MICU2: variants seen among roughly 807,000 people sequenced by gnomAD.
MICU2 encodes the protein mitochondrial calcium uptake 2, also known as calcium uptake protein 2, mitochondrial.
A neutral mutation model predicts 60.4 loss-of-function variants in MICU2; 64 were observed. That is an observed-to-expected ratio of 1.06 (90% CI 0.87 to 1.31). The LOEUF is 1.31. MICU2 is among the 50% of genes most tolerant of loss of function. The pLI is 0.00. For synonymous variants in MICU2, 201 were observed against 175.0 expected (o/e 1.15, Z -1.17); for missense variants, 569 against 531.0 (o/e 1.07, Z -0.70).
At chr13:21,549,745 C>CA (rs1887506270) in intron 2 of MICU2, among the ~76,000 whole-genome samples, 1 of 152,168 alleles carries the variant, frequency 6.6e-6, no homozygotes, top group Non-Finnish European at 1.5e-5. Flanking sequence ...TCTCTCTTCC[C>CA]AGTTCAGCAA....
chr13:21,584,883 A>G (rs946582202), intron 1 of MICU2, among the ~76,000 whole-genome samples: 2 of 152,206 alleles, frequency 1.3e-5, no homozygotes, highest in Admixed American at 6.5e-5. Context: ...CAGTAACAGA[A>G]GCATAATTTG....
Position 21,493,077 on chromosome 13 carries a change from T to G in MICU2, c.*172A>C. On this transcript the variant is annotated 3_prime_UTR_variant, in exon 12 of 12. Coordinates refer to ENST00000382374, the MANE Select transcript of MICU2 (RefSeq NM_152726.3). ...CCAATATCTATTTTTATACTTACTT[T>G]TCTTTCTACTAAGTTCTTTAATAAA... 1 of 451,232 alleles carries G rather than the reference T, an allele frequency of 2.2e-6. No individual in the cohort carries two copies. The highest frequency in any genetic ancestry group is 3.9e-6 in the Non-Finnish European group (1 of 257,322). The allele number at this position is 451,232 out of a possible 1,614,324, so 28.0% of individuals were successfully genotyped here. A position where few individuals can be genotyped will look rare whatever the true frequency, so the allele number is the denominator to read the frequency against.
chr13:21,496,416 T>G (rs1007590970), intron 9 of MICU2: 2 of 424,888 alleles, frequency 4.7e-6, no homozygotes, highest in Non-Finnish European at 8.4e-6. Flanking sequence ...GATCTTGGAC[T>G]CCTGGCCTCC....
intron 1 of MICU2, among the ~76,000 whole-genome samples, chr13:21,593,354 A>C (rs1888624124): frequency 6.6e-6 from 1 of 152,118 alleles, no homozygotes; most frequent in South Asian, 2.1e-4. Context: ...CTGCTCAATG[A>C]AATAAAAGAG....
At chr13:21,525,219 G>C (rs952888978) in intron 4 of MICU2, among the ~76,000 whole-genome samples, 1 of 113,570 alleles carries the variant, frequency 8.8e-6, no homozygotes, top group Non-Finnish European at 1.7e-5. Context: ...TTGAGATGGA[G>C]TCTTGCTCTG....
chr13:21,540,316 A>T (rs1217188129), intron 2 of MICU2, among the ~76,000 whole-genome samples: 2 of 151,744 alleles, frequency 1.3e-5, no homozygotes, highest in Non-Finnish European at 2.9e-5. Flanking sequence ...TTTTTTTAGG[A>T]CTTACTCTGA....
In MICU2 at chr13:21,512,371, C is replaced by T. The variant is rs189321246; in HGVS notation, c.663+1982G>A. 2.0e-5 allele frequency among the ~76,000 whole-genome samples: 3 copies of T among 152,032 alleles called. No homozygotes were observed. In the East Asian group the frequency reaches 5.8e-4, roughly 29 times the overall value. On this transcript the variant is annotated intron_variant, in intron 7 of 11. Coordinates refer to ENST00000382374, the MANE Select transcript of MICU2 (RefSeq NM_152726.3). ...AGACCCTTATTAGATATGTGATTTG[C>T]AAGTATCTTCTTCCATTATGTTGGT... is the stretch of plus-strand genomic sequence containing the variant.
chr13:21,568,418 CCTTTT>C (rs1258384564), intron 1 of MICU2, among the ~76,000 whole-genome samples: 24 of 152,110 alleles, frequency 1.6e-4, no homozygotes, highest in Non-Finnish European at 3.4e-4. Flanking sequence ...CTATGCCTTT[CCTTTT>C]CTTTTCCCTT....
chr13:21,521,152 T>G, intron 6 of MICU2, 93 bp downstream of exon 6: 1 of 1,003,474 alleles, frequency 1.0e-6, no homozygotes, highest in Admixed American at 2.7e-5. Context: ...ATGTAAACAA[T>G]GAATACAATT....
chr13:21,520,530 T>C (rs1358929129), intron 6 of MICU2, among the ~76,000 whole-genome samples: 3 of 152,236 alleles, frequency 2.0e-5, no homozygotes, highest in Non-Finnish European at 1.5e-5. Context: ...GAGGGATAGC[T>C]AGTATGTGCT....
chr13:21,563,600 A>C (rs1376598447), intron 2 of MICU2, among the ~76,000 whole-genome samples: 1 of 152,130 alleles, frequency 6.6e-6, no homozygotes, highest in African/African-American at 2.4e-5. Flanking sequence ...TATTATTTCA[A>C]ATACTTCTTT....
intron 4 of MICU2, among the ~76,000 whole-genome samples, chr13:21,525,814 T>A (rs191789453): frequency 1.5e-3 from 227 of 152,028 alleles, no homozygotes; most frequent in African/African-American, 5.2e-3. Context: ...TATATATGAA[T>A]ATATACGATT....
At chr13:21,506,845 T>A (rs1886301719) in intron 8 of MICU2, among the ~76,000 whole-genome samples, 1 of 152,206 alleles carries the variant, frequency 6.6e-6, no homozygotes, top group African/African-American at 2.4e-5. Context: ...CTTTGCCTCC[T>A]TACATCGTCA....
chr13:21,495,182 GTTTT>G lies in MICU2; in HGVS notation c.1175_1178del (p.Lys392ThrfsTer22). 6.2e-7 allele frequency: 1 copy of G among 1,607,508 alleles called. No homozygotes were observed. The highest frequency in any genetic ancestry group is 2.2e-5 in the East Asian group (1 of 44,762). On this transcript the variant is annotated frameshift_variant, in exon 11 of 12. Coordinates refer to ENST00000382374, the MANE Select transcript of MICU2 (RefSeq NM_152726.3). LOFTEE classifies it high-confidence loss of function. ...TTACCCATAAACCTCGATGCATTCT[GTTTT>G]TTAACACCCCAAGAAACTCTTCATG... is the stretch of plus-strand genomic sequence containing the variant.
intron 1 of MICU2, among the ~76,000 whole-genome samples, chr13:21,592,528 T>A (rs913736384): frequency 2.0e-5 from 3 of 152,078 alleles, no homozygotes; most frequent in Admixed American, 2.0e-4. Context: ...AGCATCATCC[T>A]GATACCAAGA....
chr13:21,563,271 C>T (rs1219854409), intron 2 of MICU2, among the ~76,000 whole-genome samples: 2 of 151,820 alleles, frequency 1.3e-5, no homozygotes, highest in African/African-American at 2.4e-5. Flanking sequence ...CTGGCTAACA[C>T]GGTGAAACCC....
intron 1 of MICU2, chr13:21,602,620 T>G (rs1888850568): frequency 6.6e-6 from 1 of 152,200 alleles, no homozygotes; most frequent in Admixed American, 6.5e-5. Flanking sequence ...TGGCACAAGA[T>G]TCACAAAAAT....
At chr13:21,582,695 T>C (rs530525906) in intron 1 of MICU2, among the ~76,000 whole-genome samples, 31 of 152,200 alleles carry the variant, frequency 2.0e-4, no homozygotes, top group Non-Finnish European at 4.3e-4. Context: ...TCCAATTTCC[T>C]GCTCTGCCAT....
intron 2 of MICU2, among the ~76,000 whole-genome samples, chr13:21,548,186 A>G (rs79227128): frequency 0.029 from 4,464 of 152,286 alleles, 93 homozygotes; most frequent in African/African-American, 0.039. Flanking sequence ...TCCATTATAC[A>G]GAAAAAGTTA....
Sources: gnomAD v4.1 joint callset for allele counts (sites outside exome capture counted in the v4.1 genomes callset) on GRCh38, gnomAD v4.1.1 for gene constraint, MANE v1.5 for transcripts, NCBI Gene and HGNC (gene_info 2026-07-23, HGNC 2026-07-21) for gene names.